Variants in MST1R observed in about 807,000 individuals in gnomAD.
MST1R encodes the protein macrophage-stimulating protein receptor.
Under a neutral mutation model 117.8 loss-of-function variants are expected in MST1R, and 99 were observed. That is an observed-to-expected ratio of 0.84 (90% CI 0.71 to 0.99). The LOEUF (loss-of-function observed/expected upper bound fraction) is 0.99. Among genes scored for constraint, MST1R ranks in the 50% least tolerant of loss-of-function variants. MST1R has a pLI of 0.00. For missense variants in MST1R, 1,683 were observed against 1,840.2 expected (o/e 0.91, Z 1.56); for synonymous variants, 734 against 765.3 (o/e 0.96, Z 0.68).
At position 49,890,645 on chromosome 3, in the gene MST1R, TCCAGCCTTAGGGGTAG is replaced by T; in HGVS notation, c.3645-11_3649del. 1 of 1,610,866 alleles carries T rather than the reference TCCAGCCTTAGGGGTAG, an allele frequency of 6.2e-7. No individual in the cohort carries two copies. Among genetic ancestry groups the T allele is most frequent in the South Asian group, 1.1e-5 (1 of 90,708 alleles). On this transcript the variant is annotated splice_acceptor_variant and splice_polypyrimidine_tract_variant and coding_sequence_variant and intron_variant, in exon 18 of 20. Transcript: ENST00000296474. LOFTEE classifies it high-confidence loss of function. ...AGCCACCTTGACTGTGAATGACTCG[TCCAGCCTTAGGGGTAG>T]GGAGAGGATCACACTTAGGACTGGC...
chr3:49,889,901 C>T, intron 19 of MST1R, 23 bp downstream of exon 19: 1 of 1,613,934 alleles, frequency 6.2e-7, no homozygotes, highest in Non-Finnish European at 8.5e-7. Flanking sequence ...GTTCCCTCCC[C>T]ACTACCACCT....
rs1188404757 is a variant in MST1R, at chr3:49,896,525, C to A, written c.2439+15G>T. ...CTCATCCAGCCTTCCTCCCTCCTGGCCAGCACTCACTCACCCTGCTTTCCA... is the reference window on the plus strand; with the variant it reads ...CTCATCCAGCCTTCCTCCCTCCTGGACAGCACTCACTCACCCTGCTTTCCA... On this transcript the variant is annotated intron_variant, in intron 9 of 19. Coordinates refer to ENST00000296474, the MANE Select transcript of MST1R (RefSeq NM_002447.4). 4 of 1,613,782 alleles carry A rather than the reference C, an allele frequency of 2.5e-6. No homozygotes were observed. Among genetic ancestry groups the A allele is most frequent in the Non-Finnish European group, 2.5e-6 (3 of 1,179,724 alleles).
chr3:49,902,444 G>A lies in MST1R; in HGVS notation c.1166C>T (p.Pro389Leu), dbSNP rs1337425975. 4 of 1,614,186 alleles carry A rather than the reference G, an allele frequency of 2.5e-6. No individual in the cohort carries two copies. In the Admixed American group the frequency reaches 5.0e-5, roughly 20 times the overall value. The change falls in exon 1 of 20, where the codon CCA (proline) becomes CTA (leucine). Residue 389 changes from proline to leucine, a missense_variant. Pro to Leu is a moderately conservative substitution (Grantham distance 98). Coordinates refer to ENST00000296474, the MANE Select transcript of MST1R (RefSeq NM_002447.4). ...DEGVERCCES[P>L]VHPGLRRGLD... ...GCCTCGCCGGAGGCCTGGATGGACT[G>A]GGGATTCACAACAGCGCTCCACACC...
rs1278466954 is a variant in MST1R at position 49,891,196 on chromosome 3, C to T, written c.3644+1G>A. On this transcript the variant is annotated splice_donor_variant, in intron 17 of 19. Transcript: ENST00000296474. LOFTEE classifies it high-confidence loss of function. ...TCACCCCAGCTACTCTGGACTCTCA[C>T]ATGCAGTTCCGCGCAGCCAGGTCCC... 2 of 1,613,572 alleles carry T rather than the reference C, an allele frequency of 1.2e-6. No individual in the cohort carries two copies. Among genetic ancestry groups the T allele is most frequent in the Non-Finnish European group, 8.5e-7 (1 of 1,179,882 alleles).
At chr3:49,888,180 TA>T in intron 19 of MST1R, among the ~76,000 whole-genome samples, 1 of 152,312 alleles carries the variant, frequency 6.6e-6, no homozygotes, top group Middle Eastern at 3.4e-3. Context: ...CTCACGCCTG[TA>T]ATCCCAGCAC....
Position 49,887,455 on chromosome 3 carries a change from T to C in MST1R, c.4055A>G (p.His1352Arg). ...EQIVSALLGD[H>R]YVQLPATYMN... is the part of the protein sequence containing the mutation. ...GTAGGTTGCTGGCAGCTGCACATAA[T>C]GGTCCCCAAGCAGTGCAGACACTAT... The change falls in exon 20 of 20, where the codon CAT becomes CGT. Residue 1352 changes from histidine to arginine, a missense_variant. By Grantham distance (29) the His-to-Arg change is conservative (BLOSUM62 0). Coordinates refer to ENST00000296474, the MANE Select transcript of MST1R (RefSeq NM_002447.4). 1.9e-6 allele frequency: 3 copies of C among 1,614,216 alleles called. No homozygotes were observed. Among genetic ancestry groups the C allele is most frequent in the Non-Finnish European group, 1.7e-6 (2 of 1,180,028 alleles).
Position 49,898,186 on chromosome 3 carries a change from CT to C in MST1R, c.1744del (p.Arg582GlyfsTer6). The C allele has an allele frequency of 6.2e-7, 1 of 1,613,908 alleles. No individual in the cohort carries two copies. The highest frequency in any genetic ancestry group is 8.5e-7 in the Non-Finnish European group (1 of 1,180,020). On this transcript the variant is annotated frameshift_variant, in exon 5 of 20. Transcript: ENST00000296474. LOFTEE classifies it high-confidence loss of function. ...TEFHPHSGPL[R>X]GSTRLTLCGS... Reference sequence around the variant, plus strand: ...ACACAGGGTCAGCCTTGTACTGCCCCTTAGAGGTCCACTGTGGGGGTGGAAC... The same window carrying C: ...ACACAGGGTCAGCCTTGTACTGCCCCTAGAGGTCCACTGTGGGGGTGGAAC...
At chr3:49,901,407 G>C (rs2082672488) in intron 1 of MST1R, among the ~76,000 whole-genome samples, 2 of 152,150 alleles carry the variant, frequency 1.3e-5, no homozygotes, top group Admixed American at 6.5e-5. Context: ...TGGCTGGAGA[G>C]AACCTAGATA....
chr3:49,897,789 C>T, intron 5 of MST1R, 104 bp from the exon 6 acceptor site: 2 of 1,423,638 alleles, frequency 1.4e-6, no homozygotes, highest in African/African-American at 1.4e-5. Flanking sequence ...AATGGCATTT[C>T]TCCACCCATG....
intron 17 of MST1R, among the ~76,000 whole-genome samples, 176 bp from the exon 18 acceptor site, chr3:49,890,826 C>T (rs567095452): frequency 5.3e-5 from 8 of 152,070 alleles, no homozygotes; most frequent in African/African-American, 1.4e-4. Context: ...CCTGGGGTCA[C>T]GCCATTCTCC....
rs146988970 is a variant in MST1R at position 49,902,604 on chromosome 3, C to T, written c.1006G>A (p.Glu336Lys). The T allele has an allele frequency of 3.1e-6, 5 of 1,613,460 alleles. No homozygotes were observed. Among genetic ancestry groups the T allele is most frequent in the Non-Finnish European group, 4.2e-6 (5 of 1,180,048 alleles). ...SAPVGAQLAT[E>K]LSIAEGQEVL... ...TCCTGGCCCTCGGCGATGCTCAGCT[C>T]AGTGGCAAGTTGGGCACCCACTGGA... Residue 336 changes from glutamate to lysine, a missense_variant, in exon 1 of 20, where the codon GAG (glutamate) becomes AAG (lysine). By Grantham distance (56) the Glu-to-Lys change is moderately conservative (BLOSUM62 1). Coordinates refer to ENST00000296474, the MANE Select transcript of MST1R (RefSeq NM_002447.4).
chr3:49,889,820 T>A (rs1348119323), intron 19 of MST1R, 104 bp downstream of exon 19: 2 of 1,417,208 alleles, frequency 1.4e-6, no homozygotes, highest in Non-Finnish European at 1.9e-6. Flanking sequence ...CCTTTCCTAG[T>A]CAACCAGAAG....
At chr3:49,901,442 TCAGCACAG>T (rs555952209) in intron 1 of MST1R, among the ~76,000 whole-genome samples, 199 of 152,230 alleles carry the variant, frequency 1.3e-3, no homozygotes, top group Non-Finnish European at 2.3e-3. Context: ...AGCCCCCAGT[TCAGCACAG>T]GCTTTGAGAC....
At position 49,895,729 on chromosome 3, in the gene MST1R, C is replaced by T. The variant is rs375697146; in HGVS notation, c.2948G>A (p.Arg983Gln). Residue 983 changes from arginine to glutamine, a missense_variant, in exon 12 of 20, where the codon CGG (arginine) becomes CAG (glutamine). Transcript: ENST00000296474. The stretch of plus-strand genomic sequence containing the variant: ...AGAGAACTCACCTAGCTGCTTCCTC[C>T]GCCACCAGTAGCTGAAGACCAGTGC... ...ATALVFSYWW[R>Q]RKQLVLPPNL... The T allele has an allele frequency of 8.8e-5, 142 of 1,612,528 alleles. No individual in the cohort carries two copies. The highest frequency in any genetic ancestry group is 1.1e-4 in the Non-Finnish European group (132 of 1,179,998).
intron 18 of MST1R, 136 bp downstream of exon 18, chr3:49,890,349 A>G (rs1396701909): frequency 2.0e-6 from 2 of 977,568 alleles, no homozygotes; most frequent in Non-Finnish European, 3.0e-6. Context: ...CATCTGCCCA[A>G]GAGGTGAGCA....
chr3:49,898,502 G>T lies in MST1R; in HGVS notation c.1719+16C>A, dbSNP rs760018292. ...CCTGTCCCACTCTTACCTGTGCCCTGCCAGGGAAGCCATACCTCAGTAAGC... is the reference window on the plus strand; with the variant it reads ...CCTGTCCCACTCTTACCTGTGCCCTTCCAGGGAAGCCATACCTCAGTAAGC... On this transcript the variant is annotated intron_variant, in intron 4 of 19. Coordinates refer to ENST00000296474, the MANE Select transcript of MST1R (RefSeq NM_002447.4). 4 of 1,611,456 alleles carry T rather than the reference G, an allele frequency of 2.5e-6. No individual in the cohort carries two copies. The highest frequency in any genetic ancestry group is 3.4e-6 in the Non-Finnish European group (4 of 1,178,952).
At position 49,895,497 on chromosome 3, in the gene MST1R, GC is replaced by G. The variant is rs780847571; in HGVS notation, c.3013del (p.Ala1005ProfsTer55). On this transcript the variant is annotated frameshift_variant, in exon 13 of 20. Coordinates refer to ENST00000296474, the MANE Select transcript of MST1R (RefSeq NM_002447.4). LOFTEE classifies it high-confidence loss of function. ...CGAGTACAGAATAGGCAGGGGTGTG[GC>G]TCCAGCAGTCTGGTCCAGGGATGCC... ...DLASLDQTAG[A>X]TPLPILYSGS... is the part of the protein sequence containing the mutation. The G allele has an allele frequency of 6.2e-7, 1 of 1,614,174 alleles. No individual in the cohort carries two copies. The highest frequency in any genetic ancestry group is 8.5e-7 in the Non-Finnish European group (1 of 1,180,026).
rs1395215720 is a variant in MST1R, at chr3:49,896,850, C to T, written c.2224G>A (p.Ala742Thr). 6.5e-7 allele frequency: 1 copy of T among 1,549,228 alleles called. No individual in the cohort carries two copies. ...CTAAGGGGGACACTGGCCACCGTGG[C>T]CCCAGGGGGTGTGGCACATAAAAGC... Reference protein sequence around the residue: ...GQLLCATPPGATVASVPLSLQ... With the variant: ...GQLLCATPPGTTVASVPLSLQ... The change falls in exon 8 of 20, where the codon GCC (alanine) becomes ACC (threonine). Residue 742 changes from alanine to threonine, a missense_variant. By Grantham distance (58) the Ala-to-Thr change is moderately conservative. Transcript: ENST00000296474.
Position 49,887,376 on chromosome 3 carries a change from C to A in MST1R, c.4134G>T (p.Pro1378=). 1.2e-6 allele frequency: 2 copies of A among 1,614,228 alleles called. No individual in the cohort carries two copies. ...CATTCCCTGGCATGGGTGAGAACTG[C>A]GGCTGTTCTGGACGCACATTCATCT... is the stretch of plus-strand genomic sequence containing the variant. ...SHEMNVRPEQ[P]QFSPMPGNVR... is the part of the protein sequence containing the mutation. The change falls in exon 20 of 20, where the codon CCG becomes CCT. Residue 1378 remains proline (P), a synonymous_variant. Transcript: ENST00000296474.
Sources: gnomAD v4.1 joint callset for allele counts (sites outside exome capture counted in the v4.1 genomes callset) on GRCh38, gnomAD v4.1.1 for gene constraint, MANE v1.5 for transcripts, NCBI Gene and HGNC (gene_info 2026-07-23, HGNC 2026-07-21) for gene names.